Variants in NIN observed in about 807,000 individuals in gnomAD.
NIN encodes ninein.
Under a neutral mutation model 257.6 loss-of-function variants are expected in NIN, and 137 were observed. The ratio of observed to expected loss-of-function variants is 0.53; its 90% CI spans 0.46 to 0.61. The LOEUF is 0.61. NIN is among the 20% of genes least tolerant of loss of function. The pLI is 0.00. For synonymous variants in NIN, 918 were observed against 919.8 expected (o/e 1.00, Z 0.04); for missense variants, 2,439 against 2,501.2 (o/e 0.98, Z 0.53).
chr14:50,730,497 G>A (rs1160898261), intron 28 of NIN, among the ~76,000 whole-genome samples: 2 of 151,722 alleles, frequency 1.3e-5, no homozygotes, highest in African/African-American at 4.9e-5. Context: ...TCAAGAAGCG[G>A]CACCTCCAGG....
intron 5 of NIN, among the ~76,000 whole-genome samples, chr14:50,788,322 G>C (rs1370521550): frequency 6.6e-6 from 1 of 152,206 alleles, no homozygotes; most frequent in South Asian, 2.1e-4. Context: ...TCGCTTGTAA[G>C]TAATGAAGCC....
Position 50,763,861 on chromosome 14 carries a change from ACTT to A in NIN, c.1736_1738del (p.Glu579del), listed in dbSNP as rs758724431. On this transcript the variant is annotated inframe_deletion, in exon 15 of 31. Coordinates refer to ENST00000530997, the MANE Select transcript of NIN (RefSeq NM_020921.4). ...CTCAATGCCACCGCTGTTAGCCTCAACTTCTTCTGACGGTGAGTTCTTCAACGG... is the reference window on the plus strand; with the variant it reads ...CTCAATGCCACCGCTGTTAGCCTCAACTTCTGACGGTGAGTTCTTCAACGG... 3.5e-4 allele frequency: 563 copies of A among 1,613,996 alleles called. No individual in the cohort carries two copies. The highest frequency in any genetic ancestry group is 7.8e-4 in the Admixed American group (47 of 60,022).
At chr14:50,744,646 C>A (rs967277316) in intron 22 of NIN, among the ~76,000 whole-genome samples, 1 of 152,150 alleles carries the variant, frequency 6.6e-6, no homozygotes, top group Non-Finnish European at 1.5e-5. Context: ...CCAGTCAAGA[C>A]TATAGAATTG....
At chr14:50,738,421 T>C (rs2041110014) in intron 26 of NIN, 135 bp from the exon 27 acceptor site, 1 of 761,964 alleles carries the variant, frequency 1.3e-6, no homozygotes, top group Non-Finnish European at 2.1e-6. Flanking sequence ...CTGTAAATAC[T>C]TGAAGCTAGC....
intron 5 of NIN, among the ~76,000 whole-genome samples, chr14:50,782,393 G>A (rs188539977): frequency 1.3e-3 from 199 of 152,128 alleles, no homozygotes; most frequent in Non-Finnish European, 2.1e-3. Context: ...TTCAACAATC[G>A]AGCATAAAGT....
intron 29 of NIN, chr14:50,727,345 A>AAGT (rs1204652239): frequency 1.0e-6 from 1 of 987,106 alleles, no homozygotes; most frequent in East Asian, 6.5e-5. Flanking sequence ...CCATATATAA[A>AAGT]AGTAGTACCT....
intron 2 of NIN, among the ~76,000 whole-genome samples, chr14:50,828,316 C>A (rs1488545039): frequency 6.6e-6 from 1 of 152,086 alleles, no homozygotes; most frequent in Non-Finnish European, 1.5e-5. Context: ...TTTTTCCATC[C>A]AAAAGCTTGA....
intron 2 of NIN, among the ~76,000 whole-genome samples, chr14:50,825,990 A>G (rs2045439646): frequency 6.6e-6 from 1 of 152,230 alleles, no homozygotes; most frequent in Non-Finnish European, 1.5e-5. Flanking sequence ...AGAAATTCTT[A>G]TATAAAAATG....
intron 4 of NIN, among the ~76,000 whole-genome samples, chr14:50,800,477 A>G (rs2044049315): frequency 1.3e-5 from 2 of 152,344 alleles, no homozygotes; most frequent in Admixed American, 6.5e-5. Flanking sequence ...ATATTTTTGG[A>G]TTAGGGATGC....
intron 3 of NIN, among the ~76,000 whole-genome samples, chr14:50,812,722 T>C (rs2044693811): frequency 1.3e-5 from 2 of 152,136 alleles, no homozygotes; most frequent in African/African-American, 4.8e-5. Context: ...TCTCAAATCT[T>C]CACAGACAGA....
At chr14:50,740,773 C>A (rs1263455404) in intron 25 of NIN, among the ~76,000 whole-genome samples, 3 of 152,222 alleles carry the variant, frequency 2.0e-5, no homozygotes, top group Non-Finnish European at 4.4e-5. Flanking sequence ...TGAGCCACCA[C>A]ACCCAGCCCA....
In NIN at chr14:50,773,058, C is replaced by A; in HGVS notation, c.704G>T (p.Gly235Val). The part of the protein sequence containing the change: ...EEVFHNLDPD[G>V]TMSVEDFFYG... ...GAAAAAATCTTCTACACTCATTGTACCGTCAGGATCAAGATTATGGAATAC... is the reference window on the plus strand; with the variant it reads ...GAAAAAATCTTCTACACTCATTGTAACGTCAGGATCAAGATTATGGAATAC... The change falls in exon 8 of 31, where the codon GGT (glycine) becomes GTT (valine). Residue 235 changes from glycine (G) to valine (V), a missense_variant. This residue lies in a region of NIN where 387 missense variants were observed against 427.3 expected (regional missense o/e 0.91). Transcript: ENST00000530997. 1 of 1,612,444 alleles carries A rather than the reference C, an allele frequency of 6.2e-7. No homozygotes were observed. The highest frequency in any genetic ancestry group is 2.2e-5 in the East Asian group (1 of 44,838).
chr14:50,806,275 C>T (rs761864604), intron 4 of NIN: 1 of 152,424 alleles, frequency 6.6e-6, no homozygotes, highest in Non-Finnish European at 1.5e-5. Flanking sequence ...AAGGAATTAT[C>T]ACTTGAGAGG....
chr14:50,771,439 G>A lies in NIN; in HGVS notation c.1011C>T (p.Ile337=). ...GGGCCAGTGTTAATTCTGTCAAATTGATGTTTCCATCGAGGCTGAAATCCA... is the reference window on the plus strand; with the variant it reads ...GGGCCAGTGTTAATTCTGTCAAATTAATGTTTCCATCGAGGCTGAAATCCA... The part of the protein sequence containing the change: ...KALDFSLDGN[I]NLTELTLALE... Residue 337 remains isoleucine (I), a synonymous_variant, in exon 10 of 31, where the codon ATC becomes ATT. Coordinates refer to ENST00000530997, the MANE Select transcript of NIN (RefSeq NM_020921.4). The A allele has an allele frequency of 1.2e-6, 2 of 1,614,130 alleles. No individual in the cohort carries two copies. The highest frequency in any genetic ancestry group is 1.7e-6 in the Non-Finnish European group (2 of 1,180,006).
At chr14:50,774,743 C>T (rs1566834108) in intron 7 of NIN, among the ~76,000 whole-genome samples, 1 of 152,196 alleles carries the variant, frequency 6.6e-6, no homozygotes, top group Non-Finnish European at 1.5e-5. Flanking sequence ...CAAATCAGTG[C>T]ACAGCTTCCA....
chr14:50,737,020 G>C (rs988987674), intron 27 of NIN, among the ~76,000 whole-genome samples: 4 of 152,122 alleles, frequency 2.6e-5, no homozygotes, highest in African/African-American at 9.7e-5. Context: ...GCCTCCAAGA[G>C]GCCTCAAAGA....
intron 21 of NIN, among the ~76,000 whole-genome samples, chr14:50,751,371 C>G (rs1448027879): frequency 6.6e-6 from 1 of 152,122 alleles, no homozygotes; most frequent in African/African-American, 2.4e-5. Context: ...AAAGGCGGTA[C>G]CAGTTTGTAT....
intron 3 of NIN, among the ~76,000 whole-genome samples, chr14:50,809,846 A>T (rs34845905): frequency 0.32 from 48,011 of 152,008 alleles, 8,164 homozygotes; most frequent in East Asian, 0.41. Context: ...ATTTATATGG[A>T]GTTTATTTCA....
chr14:50,775,779 A>G (rs921981700), intron 7 of NIN, among the ~76,000 whole-genome samples: 2 of 152,166 alleles, frequency 1.3e-5, no homozygotes, highest in Non-Finnish European at 2.9e-5. Context: ...TTTTTTGGCA[A>G]AAACAACCCA....
Sources: gnomAD v4.1 joint callset for allele counts (sites outside exome capture counted in the v4.1 genomes callset) on GRCh38, gnomAD v4.1.1 for gene constraint, gnomAD v4.1.1 regional missense constraint, MANE v1.5 for transcripts, NCBI Gene and HGNC (gene_info 2026-07-23, HGNC 2026-07-21) for gene names.